The following STK32B variants were observed in gnomAD, a reference collection of about 807,000 sequenced individuals.
STK32B encodes the protein serine/threonine kinase 32B.
A neutral mutation model predicts 52.6 loss-of-function variants in STK32B; 43 were observed. That is an observed-to-expected ratio of 0.82 (90% CI 0.64 to 1.05). STK32B has a LOEUF of 1.05. Among genes scored for constraint, STK32B ranks in the 50% least tolerant of loss-of-function variants. STK32B has a pLI of 0.00. For missense variants in STK32B, 621 were observed against 534.6 expected (o/e 1.16, Z -1.59); for synonymous variants, 238 against 204.3 (o/e 1.17, Z -1.41).
rs181712537 is a variant in STK32B at position 5,407,538 on chromosome 4, C to T, written c.472+9294C>T. ...TTATGAAGAAGAGGTTTAATTGACTCACAGTTCCACAGGCTGTACAGGAGT... is the reference window on the plus strand; with the variant it reads ...TTATGAAGAAGAGGTTTAATTGACTTACAGTTCCACAGGCTGTACAGGAGT... On this transcript the variant is annotated intron_variant, in intron 5 of 11. Transcript: ENST00000282908. Among the ~76,000 whole-genome samples, 163 of 152,214 alleles carry T rather than the reference C, an allele frequency of 1.1e-3. 3 individuals are homozygous for T. The highest frequency in any genetic ancestry group is 3.8e-3 in the African/African-American group (157 of 41,492).
rs553897272 is a variant in STK32B at position 5,403,443 on chromosome 4, C to T, written c.472+5199C>T. 6.6e-5 allele frequency among the ~76,000 whole-genome samples: 10 copies of T among 152,286 alleles called. No individual in the cohort carries two copies. The South Asian group carries it at 2.1e-3, about 32-fold the overall frequency. ...CCACATTTCCCCACTCCCCATCCTC[C>T]TGAGCGGCCCTGATGCTTCCCTGTC... On this transcript the variant is annotated intron_variant, in intron 5 of 11. Transcript: ENST00000282908.
At chr4:5,334,193 G>A (rs144921400) in intron 4 of STK32B, among the ~76,000 whole-genome samples, 366 of 151,966 alleles carry the variant, frequency 2.4e-3, no homozygotes, top group Non-Finnish European at 4.0e-3. Flanking sequence ...GGTCCTTCAT[G>A]TCCCTTGTAA....
In STK32B at chr4:5,453,905, A is replaced by G. The variant is rs1312745809; in HGVS notation, c.667-2902A>G. 5.4e-5 allele frequency among the ~76,000 whole-genome samples: 8 copies of G among 148,168 alleles called. 3 individuals carry two copies. The Admixed American group carries it at 5.4e-4, about 10-fold the overall frequency. ...AGGCGACAAGAGTGAAACTCCATCTAAAAAAAAAGAAGTCCAAAACTGAAC... is the reference window on the plus strand; with the variant it reads ...AGGCGACAAGAGTGAAACTCCATCTGAAAAAAAAGAAGTCCAAAACTGAAC... On this transcript the variant is annotated intron_variant, in intron 7 of 11. Transcript: ENST00000282908. The surrounding 1 kb of genome is among the most constrained non-coding windows in gnomAD (Gnocchi z 4.0).
intron 3 of STK32B, among the ~76,000 whole-genome samples, chr4:5,296,628 C>A (rs1245718410): frequency 6.6e-6 from 1 of 152,154 alleles, no homozygotes; most frequent in Non-Finnish European, 1.5e-5. Flanking sequence ...AATATCCCTC[C>A]ATCCCTTTTA....
intron 6 of STK32B, among the ~76,000 whole-genome samples, chr4:5,440,676 T>C (rs943849253): frequency 6.6e-6 from 1 of 152,226 alleles, no homozygotes; most frequent in African/African-American, 2.4e-5. Context: ...CATCCCTGTC[T>C]TGTGCTAGTT....
chr4:5,104,272 G>C (rs958533872), intron 1 of STK32B, among the ~76,000 whole-genome samples: 1 of 152,112 alleles, frequency 6.6e-6, no homozygotes, highest in African/African-American at 2.4e-5. Flanking sequence ...AGTTTTCCCT[G>C]AGCAAACTCT....
At chr4:5,298,982 G>A (rs879802104) in intron 3 of STK32B, among the ~76,000 whole-genome samples, 1 of 152,128 alleles carries the variant, frequency 6.6e-6, no homozygotes, top group African/African-American at 2.4e-5. Flanking sequence ...GAAAAGCATA[G>A]TATCTGGGCC....
chr4:5,158,658 A>G (rs1718062541), intron 2 of STK32B, among the ~76,000 whole-genome samples: 1 of 152,140 alleles, frequency 6.6e-6, no homozygotes. Context: ...ACAGTTCCGG[A>G]GGCTGAAGTC....
chr4:5,281,223 C>T (rs1012995366), intron 3 of STK32B, among the ~76,000 whole-genome samples: 4 of 152,124 alleles, frequency 2.6e-5, no homozygotes, highest in Admixed American at 2.0e-4. Flanking sequence ...CCAGGTCCCT[C>T]CCCCAATACT....
At chr4:5,296,981 A>G (rs1729243350) in intron 3 of STK32B, among the ~76,000 whole-genome samples, 1 of 152,200 alleles carries the variant, frequency 6.6e-6, no homozygotes, top group South Asian at 2.1e-4. Context: ...TGGTGGTGAC[A>G]AAATCCCTCA....
chr4:5,139,442 G>A (rs531816572), intron 1 of STK32B: 24 of 164,086 alleles, frequency 1.5e-4, no homozygotes, highest in African/African-American at 5.5e-4. Context: ...AGGACAAAAG[G>A]CTTGACAGAC....
intron 6 of STK32B, among the ~76,000 whole-genome samples, chr4:5,437,336 G>A (rs4689233): frequency 6.6e-6 from 1 of 152,206 alleles, no homozygotes; most frequent in African/African-American, 2.4e-5. Flanking sequence ...AGGGCCATGT[G>A]CCCTCAGAAG....
intron 1 of STK32B, among the ~76,000 whole-genome samples, chr4:5,104,429 A>G (rs1223935686): frequency 2.6e-5 from 4 of 152,244 alleles, no homozygotes; most frequent in Admixed American, 1.3e-4. Flanking sequence ...TATTAGCAGC[A>G]TAAGAACAGA....
intron 11 of STK32B, among the ~76,000 whole-genome samples, chr4:5,493,681 T>C (rs1719945148): frequency 6.6e-6 from 1 of 152,226 alleles, no homozygotes; most frequent in Non-Finnish European, 1.5e-5. Context: ...AGGGTGTCAA[T>C]TTTGGATCTT....
In STK32B at chr4:5,385,970, TCACAGCTCCACCCA is replaced by T. The variant is rs1736226712; in HGVS notation, c.435-12234_435-12221del. 4.4e-3 allele frequency among the ~76,000 whole-genome samples: 26 copies of T among 5,918 alleles called. 1 individual carries two copies. The highest frequency in any genetic ancestry group is 0.027 in the African/African-American group (23 of 866). 3.9% of individuals were successfully genotyped at this position (5,918 alleles called of 152,430 possible). A position where few individuals can be genotyped will look rare whatever the true frequency, so the allele number is the denominator to read the frequency against. ...TCACAGCTCCACCCACAGCCCCCAC[TCACAGCTCCACCCA>T]CAGCCCCCACCCATGGCCCCACCCA... On this transcript the variant is annotated intron_variant, in intron 4 of 11. Coordinates refer to ENST00000282908, the MANE Select transcript of STK32B (RefSeq NM_018401.3).
chr4:5,459,601 GA>G (rs1716871902), intron 8 of STK32B, among the ~76,000 whole-genome samples: 1 of 152,184 alleles, frequency 6.6e-6, no homozygotes, highest in African/African-American at 2.4e-5. Flanking sequence ...CTTATTAGCT[GA>G]AACTCAATTA....
chr4:5,241,525 G>A lies in STK32B; in HGVS notation c.260+73075G>A, dbSNP rs58722941. On this transcript the variant is annotated intron_variant, in intron 3 of 11. Coordinates refer to ENST00000282908, the MANE Select transcript of STK32B (RefSeq NM_018401.3). ...ATTGGAATTCCAAAACTATAAGGTC[G>A]TAGGTAGGTCTGTGGTTATAAATTA... is the stretch of plus-strand genomic sequence containing the variant. Among the ~76,000 whole-genome samples, 604 of 152,080 alleles carry A rather than the reference G, an allele frequency of 4.0e-3. 14 individuals carry two copies. In the East Asian group the frequency reaches 0.075, roughly 19 times the overall value.
At chr4:5,054,523 G>A (rs1741923703) in intron 1 of STK32B, among the ~76,000 whole-genome samples, 1 of 149,796 alleles carries the variant, frequency 6.7e-6, no homozygotes, top group African/African-American at 2.5e-5. Flanking sequence ...TGGGGGGATT[G>A]AGGGGGCTTA....
intron 3 of STK32B, among the ~76,000 whole-genome samples, chr4:5,320,861 A>G (rs1468828834): frequency 6.6e-6 from 1 of 152,236 alleles, no homozygotes; most frequent in Non-Finnish European, 1.5e-5. Context: ...AGAGTGATGC[A>G]TTGTAATTTT....
Sources: gnomAD v4.1 joint callset for allele counts (sites outside exome capture counted in the v4.1 genomes callset) on GRCh38, gnomAD v4.1.1 for gene constraint, Gnocchi (gnomAD v3.1) non-coding constraint, MANE v1.5 for transcripts, NCBI Gene and HGNC (gene_info 2026-07-23, HGNC 2026-07-21) for gene names.